ADGRL2: variants seen among roughly 807,000 people sequenced by gnomAD.
The protein encoded by ADGRL2 is calcium-independent alpha-latrotoxin receptor 2.
Under a neutral mutation model 157.4 loss-of-function variants are expected in ADGRL2, and 44 were observed. That is an observed-to-expected ratio of 0.28 (90% CI 0.22 to 0.36). The LOEUF is 0.36. Among genes scored for constraint, ADGRL2 ranks in the 10% least tolerant of loss-of-function variants. ADGRL2 has a pLI of 1.00. For synonymous variants in ADGRL2, 585 were observed against 624.7 expected (o/e 0.94, Z 0.95); for missense variants, 1,510 against 1,768.9 (o/e 0.85, Z 2.63).
exon 1 of ADGRL2, chr1:81,306,393 A>G (rs1659339548): frequency 6.6e-6 from 1 of 151,966 alleles, no homozygotes; most frequent in African/African-American, 2.4e-5. Flanking sequence ...CCCTTATTGC[A>G]GAACTGCTGT....
chr1:81,877,613 G>C (rs2093874221), intron 2 of ADGRL2, among the ~76,000 whole-genome samples: 1 of 151,926 alleles, frequency 6.6e-6, no homozygotes, highest in South Asian at 2.1e-4. Context: ...TTTATTTTTA[G>C]AGCCACATTT....
intron 3 of ADGRL2, among the ~76,000 whole-genome samples, chr1:81,583,837 A>C (rs2080967617): frequency 6.6e-6 from 1 of 152,018 alleles, no homozygotes; most frequent in Admixed American, 6.6e-5. Flanking sequence ...TGATACTCTT[A>C]TTTCAAGCAA....
intron 2 of ADGRL2, among the ~76,000 whole-genome samples, chr1:81,854,663 T>C (rs968236537): frequency 5.9e-5 from 9 of 152,170 alleles, no homozygotes; most frequent in African/African-American, 2.2e-4. Context: ...TTAACAATAA[T>C]GGTGGTACCT....
chr1:81,600,466 C>T (rs963228583), intron 3 of ADGRL2, among the ~76,000 whole-genome samples: 1 of 152,210 alleles, frequency 6.6e-6, no homozygotes, highest in Non-Finnish European at 1.5e-5. Context: ...TTAGACCTAA[C>T]TTAGGGCAAA....
At chr1:81,660,791 A>G (rs929587502) in intron 3 of ADGRL2, among the ~76,000 whole-genome samples, 3 of 152,206 alleles carry the variant, frequency 2.0e-5, no homozygotes, top group Non-Finnish European at 4.4e-5. Flanking sequence ...ACATTAATGA[A>G]TTTGATCAAA....
intron 3 of ADGRL2, among the ~76,000 whole-genome samples, chr1:81,622,436 C>T (rs541238742): frequency 6.6e-6 from 1 of 152,186 alleles, no homozygotes; most frequent in East Asian, 1.9e-4. Context: ...CAAAAATTAG[C>T]TGGGCGTGGT....
chr1:81,832,438 C>G (rs962711286), intron 1 of ADGRL2, among the ~76,000 whole-genome samples: 1 of 152,140 alleles, frequency 6.6e-6, no homozygotes, highest in Non-Finnish European at 1.5e-5. Flanking sequence ...CCACCTTGCC[C>G]GGCCTGAACT....
chr1:81,334,331 T>A (rs1413419816), intron 1 of ADGRL2, among the ~76,000 whole-genome samples: 1 of 152,172 alleles, frequency 6.6e-6, no homozygotes, highest in Admixed American at 6.5e-5. Context: ...TTTTTTCAGA[T>A]AAACAAACTC....
intron 2 of ADGRL2, chr1:81,502,384 G>C (rs1218784806): frequency 6.2e-7 from 1 of 1,614,052 alleles, no homozygotes; most frequent in Admixed American, 1.7e-5. Context: ...GGGGAAGAGA[G>C]ATCTCTCGAG....
intron 1 of ADGRL2, among the ~76,000 whole-genome samples, chr1:81,724,530 G>A (rs1026005219): frequency 9.2e-5 from 14 of 151,786 alleles, no homozygotes; most frequent in East Asian, 7.8e-4. Context: ...CCCCACCTCC[G>A]CTTGCTTTCT....
chr1:81,698,616 T>C (rs571284554), upstream of ADGRL2, among the ~76,000 whole-genome samples: 2 of 152,176 alleles, frequency 1.3e-5, no homozygotes, highest in Admixed American at 6.5e-5. Context: ...GTTTGCTTGA[T>C]TTAAATGTCA....
At position 81,825,042 on chromosome 1, in the gene ADGRL2, G is replaced by A. The variant is rs544129170; in HGVS notation, c.-100-11843G>A. Among the ~76,000 whole-genome samples, 261 of 141,920 alleles carry A rather than the reference G, an allele frequency of 1.8e-3. 1 individual carries two copies. The highest frequency in any genetic ancestry group is 6.3e-3 in the African/African-American group (239 of 37,840). 93.1% of individuals were successfully genotyped at this position (141,920 alleles called of 152,430 possible). A position where few individuals can be genotyped will look rare whatever the true frequency, so the allele number is the denominator to read the frequency against. ...TTCCAGCCCCAGTTGCAACTTTCTTGTTGTTAAAATACATACAATAGGGCT... is the reference window on the plus strand; with the variant it reads ...TTCCAGCCCCAGTTGCAACTTTCTTATTGTTAAAATACATACAATAGGGCT... On this transcript the variant is annotated intron_variant, in intron 1 of 23. Coordinates refer to ENST00000686636, the MANE Select transcript of ADGRL2 (RefSeq NM_001366006.2).
At chr1:81,729,772 G>T (rs2084658631) in intron 1 of ADGRL2, among the ~76,000 whole-genome samples, 1 of 152,114 alleles carries the variant, frequency 6.6e-6, no homozygotes, top group Admixed American at 6.6e-5. Context: ...TTACACGTAT[G>T]AACAATAAAC....
chr1:81,399,402 G>A (rs939444348), intron 1 of ADGRL2, among the ~76,000 whole-genome samples: 1 of 152,106 alleles, frequency 6.6e-6, no homozygotes, highest in African/African-American at 2.4e-5. Flanking sequence ...CCTTCTAGAA[G>A]TCCATAATAC....
At chr1:81,377,024 C>A (rs1225958665) in intron 1 of ADGRL2, among the ~76,000 whole-genome samples, 2 of 151,646 alleles carry the variant, frequency 1.3e-5, no homozygotes, top group African/African-American at 4.8e-5. Context: ...ACCATCTCTC[C>A]AAAAAAAATT....
chr1:81,572,136 T>C (rs1166936452), intron 2 of ADGRL2, among the ~76,000 whole-genome samples: 1 of 152,208 alleles, frequency 6.6e-6, no homozygotes, highest in Non-Finnish European at 1.5e-5. Context: ...AATAGAGTAA[T>C]TGGTGAGGAA....
At chr1:81,737,282 A>G (rs1027408836) in intron 1 of ADGRL2, among the ~76,000 whole-genome samples, 1 of 152,254 alleles carries the variant, frequency 6.6e-6, no homozygotes, top group African/African-American at 2.4e-5. Flanking sequence ...TGCAGGGAGC[A>G]TGGCTAGGAG....
chr1:81,597,956 GC>G (rs981803543), intron 3 of ADGRL2, among the ~76,000 whole-genome samples: 2 of 152,150 alleles, frequency 1.3e-5, no homozygotes, highest in African/African-American at 4.8e-5. Flanking sequence ...GGTACACAAT[GC>G]TGCCCAGTGT....
At chr1:81,355,785 T>C (rs536034738) in intron 1 of ADGRL2, among the ~76,000 whole-genome samples, 1 of 152,294 alleles carries the variant, frequency 6.6e-6, no homozygotes, top group East Asian at 1.9e-4. Flanking sequence ...TTTTTATGTG[T>C]CATTACCAGG....
Sources: allele counts gnomAD v4.1 joint callset (sites outside exome capture counted in the v4.1 genomes callset), GRCh38; gene constraint gnomAD v4.1.1; transcripts MANE v1.5; gene names NCBI Gene and HGNC (gene_info 2026-07-23, HGNC 2026-07-21).